TAFA5: variants seen among roughly 807,000 people sequenced by gnomAD.
TAFA5 encodes chemokine-like protein TAFA-5.
In TAFA5, 6 loss-of-function variants were observed where a neutral mutation model predicts 15.3. That is an observed-to-expected ratio of 0.39 (90% CI 0.21 to 0.77). The LOEUF is 0.77. Ranked by LOEUF, TAFA5 falls within the 30% of genes least tolerant of loss-of-function variation. The pLI is 0.41. For missense variants in TAFA5, 161 were observed against 193.1 expected (o/e 0.83, Z 0.98); for synonymous variants, 103 against 80.7 (o/e 1.28, Z -1.48).
chr22:48,498,024 T>C (rs1053448760), intron 1 of TAFA5, among the ~76,000 whole-genome samples: 1 of 27,500 alleles, frequency 3.6e-5, no homozygotes, highest in Admixed American at 4.1e-4. Flanking sequence ...GGCTGAAGAG[T>C]GGGCTGAGGG....
intron 1 of TAFA5, among the ~76,000 whole-genome samples, chr22:48,498,945 ACGGGCCAG>A (rs1920938922): frequency 6.6e-6 from 1 of 152,160 alleles, no homozygotes; most frequent in Admixed American, 6.5e-5. Flanking sequence ...CTGCAGCTGG[ACGGGCCAG>A]CGTGGGGGTC....
At chr22:48,601,840 A>G (rs568276408) in intron 1 of TAFA5, among the ~76,000 whole-genome samples, 47 of 152,236 alleles carry the variant, frequency 3.1e-4, no homozygotes, top group Admixed American at 2.0e-4. Context: ...CCTTTGGCAT[A>G]TTTCTGGAAG....
At chr22:48,497,472 C>T (rs2147093849) in intron 1 of TAFA5, among the ~76,000 whole-genome samples, 1 of 151,004 alleles carries the variant, frequency 6.6e-6, no homozygotes, top group South Asian at 2.1e-4. Context: ...GGCCAGGGGT[C>T]ATCAGTCTGG....
intron 1 of TAFA5, among the ~76,000 whole-genome samples, chr22:48,633,297 C>G (rs1372334857): frequency 1.3e-5 from 2 of 152,194 alleles, no homozygotes; most frequent in African/African-American, 4.8e-5. Flanking sequence ...TGGCTGTGGC[C>G]TGGGAGACTG....
rs189470223 is a variant in TAFA5, at chr22:48,663,112, A to G, written c.262+16366A>G. On this transcript the variant is annotated intron_variant, in intron 2 of 3. Coordinates refer to ENST00000402357, the MANE Select transcript of TAFA5 (RefSeq NM_001082967.3). ...AGGGTGCTGGGCCCCTGGGTGTCTT[A>G]GCTGCGGTTTTCTTTGGCTTTAACT... Among the ~76,000 whole-genome samples, 505 of 150,874 alleles carry G rather than the reference A, an allele frequency of 3.3e-3. 5 individuals are homozygous for G. The highest frequency in any genetic ancestry group is 0.012 in the African/African-American group (478 of 40,856).
chr22:48,559,677 G>A (rs1380349591), intron 1 of TAFA5, among the ~76,000 whole-genome samples: 1 of 152,142 alleles, frequency 6.6e-6, no homozygotes, highest in Non-Finnish European at 1.5e-5. Flanking sequence ...ATGGGGTTTG[G>A]CTGAGCCTTG....
chr22:48,555,279 C>T (rs779700801), intron 1 of TAFA5, among the ~76,000 whole-genome samples: 3 of 152,216 alleles, frequency 2.0e-5, no homozygotes. Flanking sequence ...CTAAGCGGCA[C>T]GACCGGCTTC....
chr22:48,639,326 C>G (rs1490658105), intron 1 of TAFA5, among the ~76,000 whole-genome samples: 2 of 152,256 alleles, frequency 1.3e-5, no homozygotes, highest in African/African-American at 2.4e-5. Context: ...TTGGTCTGAC[C>G]AAGCACAGAG....
chr22:48,723,859 G>A (rs1929640363), intron 3 of TAFA5, among the ~76,000 whole-genome samples: 1 of 152,248 alleles, frequency 6.6e-6, no homozygotes, highest in Admixed American at 6.5e-5. Flanking sequence ...GCACAGACAA[G>A]TTCTCTGTGT....
chr22:48,596,482 C>T (rs769451167), intron 1 of TAFA5, among the ~76,000 whole-genome samples: 1 of 152,220 alleles, frequency 6.6e-6, no homozygotes, highest in African/African-American at 2.4e-5. Flanking sequence ...GTGAAAATCA[C>T]AGGCTTTATG....
intron 2 of TAFA5, among the ~76,000 whole-genome samples, chr22:48,661,493 A>G (rs550560009): frequency 8.5e-5 from 13 of 152,250 alleles, no homozygotes; most frequent in African/African-American, 2.4e-4. Context: ...CTTTCCAAAG[A>G]CACCTTATGG....
intron 3 of TAFA5, among the ~76,000 whole-genome samples, chr22:48,719,233 G>T (rs1216326619): frequency 6.6e-6 from 1 of 152,314 alleles, no homozygotes; most frequent in East Asian, 1.9e-4. Flanking sequence ...CTAATGCCAG[G>T]TGGACGCAGA....
chr22:48,729,831 T>TA (rs1929819980), intron 3 of TAFA5, among the ~76,000 whole-genome samples: 2 of 151,324 alleles, frequency 1.3e-5, no homozygotes, highest in Non-Finnish European at 2.9e-5. Flanking sequence ...TCCCAAAAGA[T>TA]AAAAAAGTTC....
chr22:48,733,512 A>G (rs75647383), intron 3 of TAFA5, among the ~76,000 whole-genome samples: 1,799 of 152,358 alleles, frequency 0.012, 42 homozygotes, highest in African/African-American at 0.041. Context: ...GGCAAATGCA[A>G]TCACATCAGT....
intron 2 of TAFA5, among the ~76,000 whole-genome samples, chr22:48,667,099 G>C (rs894777372): frequency 6.9e-6 from 1 of 144,436 alleles, no homozygotes; most frequent in African/African-American, 2.6e-5. Context: ...GTAGCACCCC[G>C]ACCCTCACCC....
chr22:48,674,495 A>G (rs1303144474), intron 2 of TAFA5, among the ~76,000 whole-genome samples: 1 of 151,306 alleles, frequency 6.6e-6, no homozygotes, highest in African/African-American at 2.4e-5. Flanking sequence ...TTCGAGTTAC[A>G]GTTTGCACAA....
intron 1 of TAFA5, among the ~76,000 whole-genome samples, chr22:48,524,607 C>T (rs1316110311): frequency 6.6e-6 from 1 of 152,226 alleles, no homozygotes; most frequent in East Asian, 1.9e-4. Context: ...ACAGCCCACC[C>T]CTTTTAGGGG....
At chr22:48,533,264 C>T (rs550182146) in intron 1 of TAFA5, among the ~76,000 whole-genome samples, 3 of 152,224 alleles carry the variant, frequency 2.0e-5, no homozygotes, top group South Asian at 2.1e-4. Context: ...CCTGGTCTCC[C>T]GTTAGGTGTG....
intron 1 of TAFA5, among the ~76,000 whole-genome samples, chr22:48,579,880 G>T (rs1339982416): frequency 2.0e-5 from 3 of 152,198 alleles, no homozygotes; most frequent in Non-Finnish European, 2.9e-5. Context: ...GAAATCATTC[G>T]GCCCGATCCT....
Sources: gnomAD v4.1 joint callset for allele counts (sites outside exome capture counted in the v4.1 genomes callset) on GRCh38, gnomAD v4.1.1 for gene constraint, MANE v1.5 for transcripts, NCBI Gene and HGNC (gene_info 2026-07-23, HGNC 2026-07-21) for gene names.